COX10: variants seen among roughly 807,000 people sequenced by gnomAD.
COX10 encodes protoheme IX farnesyltransferase, mitochondrial.
A neutral mutation model predicts 37.3 loss-of-function variants in COX10; 27 were observed. That is an observed-to-expected ratio of 0.72 (90% confidence interval 0.53 to 1.00). The LOEUF is 1.00. COX10 is among the 50% of genes least tolerant of loss of function. The pLI is 0.00. For synonymous variants in COX10, 222 were observed against 229.1 expected (o/e 0.97, Z 0.28); for missense variants, 475 against 563.2 (o/e 0.84, Z 1.59).
intron 4 of COX10, among the ~76,000 whole-genome samples, chr17:14,143,936 A>G (rs1235438578): frequency 6.6e-6 from 1 of 152,152 alleles, no homozygotes; most frequent in Non-Finnish European, 1.5e-5. Flanking sequence ...CCACAAGCGT[A>G]CAGTGCAGAT....
intron 5 of COX10, among the ~76,000 whole-genome samples, chr17:14,190,316 G>T (rs1906161736): frequency 6.6e-6 from 1 of 152,202 alleles, no homozygotes; most frequent in Admixed American, 6.5e-5. Context: ...AGCAGATCCA[G>T]GGTGGGAATG....
At chr17:14,157,925 G>A (rs113329456) in intron 4 of COX10, among the ~76,000 whole-genome samples, 116 of 152,292 alleles carry the variant, frequency 7.6e-4, no homozygotes, top group Middle Eastern at 3.4e-3. Context: ...AATTACAGAT[G>A]ACAAATGCTC....
intron 4 of COX10, among the ~76,000 whole-genome samples, chr17:14,146,869 A>C (rs1904735425): frequency 6.6e-6 from 1 of 152,162 alleles, no homozygotes; most frequent in African/African-American, 2.4e-5. Context: ...AAGACATACA[A>C]ATGGCAGACA....
chr17:14,162,360 G>T (rs1270353752), intron 5 of COX10, among the ~76,000 whole-genome samples: 2 of 151,998 alleles, frequency 1.3e-5, no homozygotes, highest in Non-Finnish European at 2.9e-5. Flanking sequence ...CACACATAAC[G>T]CTATATTTGC....
intron 5 of COX10, among the ~76,000 whole-genome samples, chr17:14,165,306 G>C (rs1409956739): frequency 2.0e-5 from 3 of 152,138 alleles, no homozygotes; most frequent in Admixed American, 2.0e-4. Flanking sequence ...TGTTGGTGCA[G>C]ATTTTTGCAG....
chr17:14,076,111 C>CTTTTTTTT lies in COX10; in HGVS notation c.178-611_178-604dup, dbSNP rs376434284. On this transcript the variant is annotated intron_variant, in intron 2 of 6. Transcript: ENST00000261643. ...CAGGTTGACTTGGGCTCTTTTTTGTCTTTTTTTTTTTTTTTTTTTTGTGAG... is the reference window on the plus strand; with the variant it reads ...CAGGTTGACTTGGGCTCTTTTTTGTCTTTTTTTTTTTTTTTTTTTTTTTTTTTTGTGAG... Among the ~76,000 whole-genome samples the CTTTTTTTT allele has an allele frequency of 1.5e-4, 16 of 103,252 alleles. 1 individual carries two copies. The highest frequency in any genetic ancestry group is 3.4e-4 in the African/African-American group (9 of 26,462). The allele number at this position is 103,252 out of a possible 152,430, so 67.7% of individuals were successfully genotyped here. A position where few individuals can be genotyped will look rare whatever the true frequency, so the allele number is the denominator to read the frequency against.
chr17:14,152,735 G>A (rs955712515), intron 4 of COX10, among the ~76,000 whole-genome samples: 4 of 152,278 alleles, frequency 2.6e-5, no homozygotes, highest in Middle Eastern at 3.4e-3. Flanking sequence ...TCTTGTCCTT[G>A]CCACTTCTAA....
chr17:14,098,112 G>A (rs532038340), intron 3 of COX10, among the ~76,000 whole-genome samples: 1 of 152,194 alleles, frequency 6.6e-6, no homozygotes, highest in South Asian at 2.1e-4. Context: ...TTTACTAACT[G>A]TTTATCGAGA....
Position 14,207,113 on chromosome 17 carries a change from T to C in COX10, c.1232T>C (p.Leu411Pro), listed in dbSNP as rs1716058928. Residue 411 changes from leucine to proline, a missense_variant, in exon 7 of 7, where the codon CTG becomes CCG. Transcript: ENST00000261643. Reference sequence around the variant, plus strand: ...GCAGACCGCAGGAGCTCGCGGAGACTGTTCTTCTGCAGCCTGTGGCACCTG... The same window carrying C: ...GCAGACCGCAGGAGCTCGCGGAGACCGTTCTTCTGCAGCCTGTGGCACCTG... ...VDADRRSSRR[L>P]FFCSLWHLPL... The C allele has an allele frequency of 5.6e-6, 9 of 1,613,526 alleles. No homozygotes were observed. The highest frequency in any genetic ancestry group is 7.6e-6 in the Non-Finnish European group (9 of 1,179,936).
At chr17:14,133,580 TTAA>T (rs1024812756) in intron 4 of COX10, among the ~76,000 whole-genome samples, 3 of 151,634 alleles carry the variant, frequency 2.0e-5, no homozygotes, top group African/African-American at 7.2e-5. Flanking sequence ...ATAAATATAC[TTAA>T]AGGTACTTAA....
At chr17:14,153,444 T>C (rs1904958586) in intron 4 of COX10, among the ~76,000 whole-genome samples, 1 of 152,228 alleles carries the variant, frequency 6.6e-6, no homozygotes, top group African/African-American at 2.4e-5. Flanking sequence ...GTTTGATTCA[T>C]GTATACAAAT....
intron 4 of COX10, among the ~76,000 whole-genome samples, chr17:14,138,504 TG>T (rs1904445994): frequency 6.6e-6 from 1 of 152,128 alleles, no homozygotes; most frequent in South Asian, 2.1e-4. Context: ...GCCAGAGTAA[TG>T]TTTTTTTAAG....
At position 14,206,993 on chromosome 17, in the gene COX10, C is replaced by A; in HGVS notation, c.1112C>A (p.Ala371Asp). ...GCCCTGCTCGTGCTGTCCGCAGCAG[C>A]CCCTGTGCTGGACATCACCACATGG... ...CLALLVLSAA[A>D]PVLDITTWTF... The change falls in exon 7 of 7, where the codon GCC (alanine) becomes GAC (aspartate). Residue 371 changes from alanine to aspartate, a missense_variant. Transcript: ENST00000261643. The A allele has an allele frequency of 6.2e-7, 1 of 1,614,060 alleles. No individual in the cohort carries two copies. Among genetic ancestry groups the A allele is most frequent in the Non-Finnish European group, 8.5e-7 (1 of 1,179,934 alleles).
chr17:14,192,770 A>G (rs1363921396), intron 6 of COX10, among the ~76,000 whole-genome samples: 1 of 152,082 alleles, frequency 6.6e-6, no homozygotes. Context: ...TGTCACAACT[A>G]AATTTGTGGG....
intron 6 of COX10, among the ~76,000 whole-genome samples, chr17:14,198,826 T>G (rs535911937): frequency 3.7e-4 from 57 of 152,214 alleles, no homozygotes; most frequent in Non-Finnish European, 8.1e-4. Flanking sequence ...CCCAAGCACT[T>G]AATGATTTCC....
intron 4 of COX10, among the ~76,000 whole-genome samples, chr17:14,104,512 G>T (rs1597502369): frequency 1.3e-5 from 2 of 151,876 alleles, no homozygotes; most frequent in African/African-American, 4.8e-5. Flanking sequence ...TTTTTTAGAG[G>T]GCTAGTGTTC....
intron 5 of COX10, among the ~76,000 whole-genome samples, chr17:14,169,564 C>T (rs572046125): frequency 2.0e-5 from 3 of 152,246 alleles, no homozygotes; most frequent in East Asian, 1.9e-4. Flanking sequence ...AAAGAAAAGA[C>T]GTTTAATTGA....
At chr17:14,194,877 C>G (rs970013635) in intron 6 of COX10, among the ~76,000 whole-genome samples, 3 of 152,138 alleles carry the variant, frequency 2.0e-5, no homozygotes, top group Non-Finnish European at 4.4e-5. Context: ...AAATGAGACC[C>G]CTTTTCTACC....
chr17:14,147,374 T>C (rs899469152), intron 4 of COX10, among the ~76,000 whole-genome samples: 2 of 152,160 alleles, frequency 1.3e-5, no homozygotes, highest in African/African-American at 4.8e-5. Flanking sequence ...GAAATCATTA[T>C]GTTAGGTGAA....
Sources: allele counts gnomAD v4.1 joint callset (sites outside exome capture counted in the v4.1 genomes callset), GRCh38; gene constraint gnomAD v4.1.1; transcripts MANE v1.5; gene names NCBI Gene and HGNC (gene_info 2026-07-23, HGNC 2026-07-21).